Variants in EEPD1 observed in about 807,000 individuals in gnomAD.
EEPD1 encodes the protein endonuclease/exonuclease/phosphatase family domain-containing protein 1.
A neutral mutation model predicts 46.3 loss-of-function variants in EEPD1; 17 were observed. That is an observed-to-expected ratio of 0.37 (90% CI 0.25 to 0.55). The LOEUF is 0.55. Ranked by LOEUF, EEPD1 falls within the 20% of genes least tolerant of loss-of-function variation. The pLI is 0.83. For synonymous variants in EEPD1, 313 were observed against 315.6 expected, an observed-to-expected ratio of 0.99 and a Z score of 0.09; for missense variants, 673 against 745.6, an observed-to-expected ratio of 0.90 and a Z score of 1.13.
intron 2 of EEPD1, 122 bp from the exon 3 acceptor site, chr7:36,238,863 T>C (rs1786504246): frequency 2.4e-6 from 2 of 839,496 alleles, no homozygotes; most frequent in Admixed American, 3.4e-5. Context: ...CACCTTAAGA[T>C]GGCAGGTGAC....
At chr7:36,205,899 A>G (rs1336851947) in intron 2 of EEPD1, among the ~76,000 whole-genome samples, 4 of 152,166 alleles carry the variant, frequency 2.6e-5, no homozygotes, top group Non-Finnish European at 4.4e-5. Flanking sequence ...ACTCTGGGGT[A>G]ATGGGGGCAC....
chr7:36,203,998 C>G (rs1379342756), intron 2 of EEPD1, among the ~76,000 whole-genome samples: 2 of 150,486 alleles, frequency 1.3e-5, no homozygotes, highest in Non-Finnish European at 3.0e-5. Flanking sequence ...TCAGTCTTTT[C>G]CTATGTCAAA....
intron 3 of EEPD1, among the ~76,000 whole-genome samples, chr7:36,275,152 C>T (rs1787164535): frequency 6.6e-6 from 1 of 152,232 alleles, no homozygotes; most frequent in Non-Finnish European, 1.5e-5. Context: ...GTAGCAGCTT[C>T]ATCTGGAAAT....
chr7:36,155,849 C>A (rs190140388), intron 2 of EEPD1, among the ~76,000 whole-genome samples: 1 of 152,218 alleles, frequency 6.6e-6, no homozygotes, highest in Non-Finnish European at 1.5e-5. Flanking sequence ...GGATTTTCCC[C>A]ATTTAAACCA....
chr7:36,160,155 CCATT>C (rs1784879959), intron 2 of EEPD1, among the ~76,000 whole-genome samples: 1 of 152,208 alleles, frequency 6.6e-6, no homozygotes, highest in Admixed American at 6.5e-5. Flanking sequence ...ACCCATCCAT[CCATT>C]CATTCATTCA....
At chr7:36,268,620 C>G (rs1426233349) in intron 3 of EEPD1, among the ~76,000 whole-genome samples, 1 of 152,198 alleles carries the variant, frequency 6.6e-6, no homozygotes, top group Non-Finnish European at 1.5e-5. Context: ...AACCGTGATT[C>G]TTGCCTCCTT....
At chr7:36,294,084 ATG>A (rs1197362120) in intron 6 of EEPD1, among the ~76,000 whole-genome samples, 1 of 152,224 alleles carries the variant, frequency 6.6e-6, no homozygotes, top group Non-Finnish European at 1.5e-5. Flanking sequence ...GAAAATAACT[ATG>A]TAAGTATACA....
intron 3 of EEPD1, among the ~76,000 whole-genome samples, chr7:36,280,587 G>A (rs1451214134): frequency 3.9e-5 from 6 of 152,224 alleles, no homozygotes; most frequent in African/African-American, 1.2e-4. Context: ...TGCATGCCGC[G>A]TGCACGTGTG....
At chr7:36,176,631 A>G (rs1785185037) in intron 2 of EEPD1, among the ~76,000 whole-genome samples, 1 of 152,250 alleles carries the variant, frequency 6.6e-6, no homozygotes, top group East Asian at 1.9e-4. Context: ...CCATAAAACA[A>G]AAATGAAAGT....
At chr7:36,230,624 G>T (rs1786307321) in intron 2 of EEPD1, 10 of 152,150 alleles carry the variant, frequency 6.6e-5, no homozygotes, top group Admixed American at 6.5e-4. Flanking sequence ...GTGAGCTGAT[G>T]GGCTACTCCT....
chr7:36,162,588 G>A (rs570395498), intron 2 of EEPD1, among the ~76,000 whole-genome samples: 11 of 152,176 alleles, frequency 7.2e-5, no homozygotes, highest in Non-Finnish European at 1.5e-4. Context: ...AGGTTGCAGT[G>A]AGCTGAGATT....
At chr7:36,240,891 GTTC>G (rs1562698790) in intron 3 of EEPD1, among the ~76,000 whole-genome samples, 1 of 152,148 alleles carries the variant, frequency 6.6e-6, no homozygotes, top group African/African-American at 2.4e-5. Flanking sequence ...GGGGACCCCT[GTTC>G]TTAGGAATTA....
chr7:36,248,514 CTTTT>C (rs35722763), intron 3 of EEPD1, among the ~76,000 whole-genome samples: 6 of 126,774 alleles, frequency 4.7e-5, no homozygotes, highest in Admixed American at 1.6e-4. Context: ...GCCAGATACT[CTTTT>C]TTTTTTTTTT....
At chr7:36,180,459 G>A (rs539325563) in intron 2 of EEPD1, among the ~76,000 whole-genome samples, 5 of 152,290 alleles carry the variant, frequency 3.3e-5, no homozygotes, top group South Asian at 2.1e-4. Context: ...CAGGGCCATC[G>A]TGCCCCTCCT....
intron 2 of EEPD1, among the ~76,000 whole-genome samples, chr7:36,209,890 A>C (rs1785895540): frequency 6.6e-6 from 1 of 152,168 alleles, no homozygotes; most frequent in Non-Finnish European, 1.5e-5. Flanking sequence ...TTTCAGCACG[A>C]GATTTGTTGG....
intron 2 of EEPD1, among the ~76,000 whole-genome samples, chr7:36,192,523 A>AT (rs1354320445): frequency 1.3e-5 from 2 of 151,822 alleles, no homozygotes; most frequent in Non-Finnish European, 2.9e-5. Context: ...TTAAAAAAAA[A>AT]AAATTAACAA....
intron 2 of EEPD1, among the ~76,000 whole-genome samples, chr7:36,201,507 C>T (rs1039948590): frequency 6.6e-6 from 1 of 152,142 alleles, no homozygotes; most frequent in South Asian, 2.1e-4. Context: ...CTGAGTGACT[C>T]GGGGCAGGTC....
intron 2 of EEPD1, among the ~76,000 whole-genome samples, chr7:36,160,681 G>GGGT (rs762137982): frequency 2.9e-5 from 3 of 104,368 alleles, no homozygotes; most frequent in Admixed American, 1.0e-4. Flanking sequence ...GGTGGTGGGG[G>GGGT]GCGGGGCGTG....
At chr7:36,215,392 A>G (rs1158506353) in intron 2 of EEPD1, among the ~76,000 whole-genome samples, 4 of 152,228 alleles carry the variant, frequency 2.6e-5, no homozygotes, top group African/African-American at 9.6e-5. Context: ...TGCAGCTCTC[A>G]GTATGGACAT....
Sources: gnomAD v4.1 joint callset for allele counts (sites outside exome capture counted in the v4.1 genomes callset) on GRCh38, gnomAD v4.1.1 for gene constraint, MANE v1.5 for transcripts, NCBI Gene and HGNC (gene_info 2026-07-23, HGNC 2026-07-21) for gene names.